Variants in CXorf58 observed in about 807,000 individuals in gnomAD.
CXorf58 encodes the protein uncharacterized protein CXorf58.
CXorf58 carries 24 observed loss-of-function variants against 26.0 expected under a neutral mutation model. The ratio of observed to expected loss-of-function variants is 0.92; its 90% confidence interval spans 0.67 to 1.30. The LOEUF is 1.30. CXorf58 is among the 50% of genes most tolerant of loss of function. CXorf58 has a pLI of 0.00. For synonymous variants in CXorf58, 87 were observed against 86.1 expected, an observed-to-expected ratio of 1.01 and a Z score of -0.06; for missense variants, 236 against 263.9, an observed-to-expected ratio of 0.89 and a Z score of 0.73.
intron 8 of CXorf58, 88 bp from the exon 9 acceptor site, chrX:23,939,156 T>G: frequency 1.7e-6 from 1 of 571,671 alleles, no homozygotes; most frequent in South Asian, 3.1e-5. Flanking sequence ...TATTTTGAGA[T>G]GAGGATAAAT....
intron 5 of CXorf58, among the ~76,000 whole-genome samples, chrX:23,920,048 G>A (rs914154841): frequency 8.9e-6 from 1 of 112,534 alleles, no homozygotes; most frequent in Non-Finnish European, 1.9e-5. Context: ...GGAGCTGGGG[G>A]ACGGGTAAAA....
intron 6 of CXorf58, among the ~76,000 whole-genome samples, chrX:23,929,053 G>A (rs767396936): frequency 1.2e-4 from 13 of 111,506 alleles, no homozygotes; most frequent in South Asian, 1.1e-3. Context: ...CTACTCCAGC[G>A]AACACACAAA....
chrX:23,912,242 C>T (rs750378127), intron 3 of CXorf58, among the ~76,000 whole-genome samples: 4 of 111,376 alleles, frequency 3.6e-5, no homozygotes, highest in Admixed American at 1.9e-4. Flanking sequence ...TGAGCCACCA[C>T]GCCCGGCCCT....
intron 5 of CXorf58, among the ~76,000 whole-genome samples, chrX:23,923,116 G>C (rs751007166): frequency 6.2e-5 from 7 of 112,298 alleles, no homozygotes; most frequent in African/African-American, 1.9e-4. Context: ...CTATGGAGAA[G>C]GACTTTCTTG....
rs145782067 is a variant in CXorf58 at position 23,927,170 on chromosome X, T to G, written c.424-69T>G. On this transcript the variant is annotated intron_variant, in intron 5 of 8. Transcript: ENST00000379211. ...TTTGATGTATTTGTCAGAAGAAATA[T>G]GTAAAGGGCGTGCTGATCATTAATG... The G allele has an allele frequency of 1.2e-3, 813 of 686,971 alleles. 6 individuals are homozygous for G. The African/African-American group carries it at 0.017, about 15-fold the overall frequency. 56.6% of individuals were successfully genotyped at this position (686,971 alleles called of 1,213,427 possible).
At chrX:23,922,008 A>G (rs1927882888) in intron 5 of CXorf58, among the ~76,000 whole-genome samples, 1 of 111,007 alleles carries the variant, frequency 9.0e-6, no homozygotes, top group African/African-American at 3.3e-5. Flanking sequence ...ATGATCTTAA[A>G]CATTTTATGC....
chrX:23,915,662 A>G, intron 3 of CXorf58, 38 bp from the exon 4 acceptor site: 1 of 842,562 alleles, frequency 1.2e-6, no homozygotes, highest in Non-Finnish European at 1.8e-6. Context: ...TCTGGGTGGG[A>G]TACTGCTTTC....
At position 23,935,194 on chromosome X, in the gene CXorf58, A is replaced by G. The variant is rs144509784; in HGVS notation, c.556-2A>G. 8 of 1,196,992 alleles carry G rather than the reference A, an allele frequency of 6.7e-6. No individual in the cohort carries two copies. The highest frequency in any genetic ancestry group is 2.3e-4 in the Middle Eastern group (1 of 4,319). On this transcript the variant is annotated splice_acceptor_variant, in intron 6 of 8. Coordinates refer to ENST00000379211, the MANE Select transcript of CXorf58 (RefSeq NM_152761.3). LOFTEE classifies it high-confidence loss of function. ...TTAATCGTTCTTGTTTTTTCCCTAC[A>G]GTATCGCAGTTTTTTCGATGAGGCC...
At position 23,938,677 on chromosome X, in the gene CXorf58, G is replaced by GA; in HGVS notation, c.923dup (p.Asn308LysfsTer4). 1 of 1,177,769 alleles carries GA rather than the reference G, an allele frequency of 8.5e-7. No individual in the cohort carries two copies. The highest frequency in any genetic ancestry group is 1.1e-6 in the Non-Finnish European group (1 of 876,696). On this transcript the variant is annotated frameshift_variant, in exon 8 of 9. Transcript: ENST00000379211. LOFTEE classifies it low-confidence loss of function (END_TRUNC). The stretch of plus-strand genomic sequence containing the variant: ...AATGAGAAAAGTTTATTTGGCTAAA[G>GA]AAAAAAATACTTCTGAGGTGACTGT...
chrX:23,930,212 A>AAG lies in CXorf58; in HGVS notation c.555+2843_555+2844insGA, dbSNP rs1456276719. Among the ~76,000 whole-genome samples the AAG allele has an allele frequency of 1.0e-4, 11 of 106,849 alleles. No individual in the cohort carries two copies. The South Asian group carries it at 2.0e-3, about 20-fold the overall frequency. The allele number at this position is 106,849 out of a possible 115,157, so 92.8% of individuals were successfully genotyped here. On this transcript the variant is annotated intron_variant, in intron 6 of 8. Coordinates refer to ENST00000379211, the MANE Select transcript of CXorf58 (RefSeq NM_152761.3). ...ACTCTGTCTCAAAAAAAAAAAAAAAAAAAAAGAAAAAAGAAATATGTTTCA... is the reference window on the plus strand; with the variant it reads ...ACTCTGTCTCAAAAAAAAAAAAAAAAAGAAAAAGAAAAAAGAAATATGTTTCA...
Position 23,911,828 on chromosome X carries a change from G to A in CXorf58, c.188G>A (p.Arg63Gln), listed in dbSNP as rs1927587509. The change falls in exon 3 of 9, where the codon CGA (arginine) becomes CAA (glutamine). Residue 63 changes from arginine to glutamine, a missense_variant. Physicochemically the swap from Arg to Gln is conservative, Grantham distance 43. Coordinates refer to ENST00000379211, the MANE Select transcript of CXorf58 (RefSeq NM_152761.3). The part of the protein sequence containing the change: ...WLSHTNKMIF[R>Q]LLKHAICAAE... ...TCTCATACAAACAAAATGATATTTC[G>A]ACTCCTAAAACACGCAATTTGTGCA... The A allele has an allele frequency of 3.3e-6, 4 of 1,197,400 alleles. No individual in the cohort carries two copies. Among genetic ancestry groups the A allele is most frequent in the East Asian group, 3.0e-5 (1 of 33,600 alleles).
chrX:23,927,173 A>G (rs1366234400), intron 5 of CXorf58, 66 bp from the exon 6 acceptor site: 1 of 704,370 alleles, frequency 1.4e-6, no homozygotes, highest in Non-Finnish European at 2.0e-6. Context: ...AGAAATATGT[A>G]AAGGGCGTGC....
chrX:23,916,919 G>A (rs1490242524), intron 5 of CXorf58, among the ~76,000 whole-genome samples: 2 of 109,279 alleles, frequency 1.8e-5, no homozygotes, highest in African/African-American at 6.7e-5. Context: ...AAATTGGTCA[G>A]GGCTCTTAAA....
intron 6 of CXorf58, among the ~76,000 whole-genome samples, chrX:23,933,365 T>G (rs1433464491): frequency 2.7e-5 from 3 of 111,459 alleles, no homozygotes; most frequent in African/African-American, 6.5e-5. Context: ...CCCTGGCTCT[T>G]AAATGCACGA....
At chrX:23,916,868 C>T (rs1366416146) in intron 5 of CXorf58, among the ~76,000 whole-genome samples, 5 of 104,311 alleles carry the variant, frequency 4.8e-5, no homozygotes, top group African/African-American at 1.1e-4. Flanking sequence ...CCAGCCTGGG[C>T]GACACAGTGA....
At chrX:23,911,151 G>A (rs1458948464) in intron 2 of CXorf58, among the ~76,000 whole-genome samples, 1 of 110,837 alleles carries the variant, frequency 9.0e-6, no homozygotes, top group Non-Finnish European at 1.9e-5. Context: ...TTTGTACATA[G>A]CGCTGTAAGG....
chrX:23,937,899 T>C (rs1303655806), intron 7 of CXorf58, among the ~76,000 whole-genome samples: 1 of 109,647 alleles, frequency 9.1e-6, no homozygotes, highest in Non-Finnish European at 1.9e-5. Context: ...ATTTTTTTTT[T>C]TTTTGAGCTG....
rs1291654342 is a variant in CXorf58 at position 23,927,408 on chromosome X, C to G, written c.555+38C>G. 3 of 988,985 alleles carry G rather than the reference C, an allele frequency of 3.0e-6. No individual in the cohort carries two copies. The African/African-American group carries it at 5.9e-5, about 19-fold the overall frequency. 81.5% of individuals were successfully genotyped at this position (988,985 alleles called of 1,213,427 possible). ...GATTTAGAAAAACAAACAAACCCAG[C>G]AAGTCTTCCTAACTCTGTCATCCAA... On this transcript the variant is annotated intron_variant, in intron 6 of 8. Coordinates refer to ENST00000379211, the MANE Select transcript of CXorf58 (RefSeq NM_152761.3).
At chrX:23,931,893 C>T (rs1238598132) in intron 6 of CXorf58, among the ~76,000 whole-genome samples, 1 of 112,181 alleles carries the variant, frequency 8.9e-6, no homozygotes, top group Non-Finnish European at 1.9e-5. Context: ...GAAAAAAACC[C>T]AACACATTTA....
Sources: gnomAD v4.1 joint callset for allele counts (sites outside exome capture counted in the v4.1 genomes callset) on GRCh38, gnomAD v4.1.1 for gene constraint, MANE v1.5 for transcripts, NCBI Gene and HGNC (gene_info 2026-07-23, HGNC 2026-07-21) for gene names.